The following FBH1 variants were observed in gnomAD, a reference collection of about 807,000 sequenced individuals.
FBH1 encodes the protein DNA 3'-5' helicase 1.
In FBH1, 43 loss-of-function variants were observed where a neutral mutation model predicts 115.5. That is an observed-to-expected ratio of 0.37 (90% CI 0.29 to 0.48). The LOEUF is 0.48. FBH1 is among the 20% of genes least tolerant of loss of function. The pLI is 0.99. For synonymous variants in FBH1, 524 were observed against 507.8 expected, an observed-to-expected ratio of 1.03 and a Z score of -0.43; for missense variants, 1,001 against 1,337.3, an observed-to-expected ratio of 0.75 and a Z score of 3.92.
At position 5,906,001 on chromosome 10, in the gene FBH1, C is replaced by T. The variant is rs781274600; in HGVS notation, c.158-36C>T. 8 of 1,470,344 alleles carry T rather than the reference C, an allele frequency of 5.4e-6. No homozygotes were observed. The Admixed American group carries it at 1.4e-4, about 26-fold the overall frequency. 91.1% of individuals were successfully genotyped at this position (1,470,344 alleles called of 1,614,324 possible). ...TAACAGCAGGTCAACAGTCATCGTTCATTTCTTGTCCATCCTGTTTGGGTT... is the reference window on the plus strand; with the variant it reads ...TAACAGCAGGTCAACAGTCATCGTTTATTTCTTGTCCATCCTGTTTGGGTT... On this transcript the variant is annotated intron_variant, in intron 2 of 20. Coordinates refer to ENST00000362091, the MANE Select transcript of FBH1 (RefSeq NM_178150.3). This position sits in a 1 kb window ranked among gnomAD's most constrained non-coding sequence, Gnocchi z 7.3.
rs1332811389 is a variant in FBH1 at position 5,915,107 on chromosome 10, C to T, written c.1397-296C>T. Among the ~76,000 whole-genome samples, 5 of 152,144 alleles carry T rather than the reference C, an allele frequency of 3.3e-5. No homozygotes were observed. Among genetic ancestry groups the T allele is most frequent in the African/African-American group, 1.2e-4 (5 of 41,428 alleles). On this transcript the variant is annotated intron_variant, in intron 8 of 20. Transcript: ENST00000362091. This position sits in a 1 kb window ranked among gnomAD's most constrained non-coding sequence, Gnocchi z 5.2. ...GTCCTTTTTGCCCTCGGGAACCCTA[C>T]CTCTAATGGATACCCACTTATTTCT...
rs141022398 is a variant in FBH1 at position 5,895,104 on chromosome 10, A to G, written c.1+4758A>G. 3.7e-6 allele frequency: 6 copies of G among 1,613,946 alleles called. No homozygotes were observed. The African/African-American group carries it at 6.7e-5, about 18-fold the overall frequency. On this transcript the variant is annotated intron_variant, in intron 1 of 20. Coordinates refer to ENST00000362091, the MANE Select transcript of FBH1 (RefSeq NM_178150.3). This position sits in a 1 kb window ranked among gnomAD's most constrained non-coding sequence, Gnocchi z 5.0. Reference sequence around the variant, plus strand: ...CCTGAGTCATGTGATAATGGGCTACATTGCGCAGGGCCCCTGGGCCATCTC... The same window carrying G: ...CCTGAGTCATGTGATAATGGGCTACGTTGCGCAGGGCCCCTGGGCCATCTC...
At chr10:5,919,722 T>C (rs748895362) in intron 13 of FBH1, among the ~76,000 whole-genome samples, 1 of 152,244 alleles carries the variant, frequency 6.6e-6, no homozygotes, top group Non-Finnish European at 1.5e-5. Flanking sequence ...TGTTTTGTGA[T>C]GTTATTGAAA....
rs951730771 is a variant in FBH1, at chr10:5,895,059, G to C, written c.1+4713G>C. On this transcript the variant is annotated intron_variant, in intron 1 of 20. Coordinates refer to ENST00000362091, the MANE Select transcript of FBH1 (RefSeq NM_178150.3). This position sits in a 1 kb window ranked among gnomAD's most constrained non-coding sequence, Gnocchi z 5.0. Reference sequence around the variant, plus strand: ...TTGGGCCATTCCCGTTTCACAGGCTGCCATTGGACCTGTCAAGTGCCTGAG... The same window carrying C: ...TTGGGCCATTCCCGTTTCACAGGCTCCCATTGGACCTGTCAAGTGCCTGAG... 6 of 1,610,158 alleles carry C rather than the reference G, an allele frequency of 3.7e-6. No individual in the cohort carries two copies. In the African/African-American group the frequency reaches 6.7e-5, roughly 18 times the overall value.
Position 5,906,176 on chromosome 10 carries a change from C to A in FBH1, c.297C>A (p.Ser99Arg). Residue 99 changes from serine to arginine, a missense_variant, in exon 3 of 21, where the codon AGC (serine) becomes AGA (arginine). By Grantham distance (110) the Ser-to-Arg change is moderately radical. Transcript: ENST00000362091. This position sits in a 1 kb window ranked among gnomAD's most constrained non-coding sequence, Gnocchi z 7.3. ...GTGACATGATCTTTCCTGCAGAGAG[C>A]AGCTGTGCACTGCCTCAGGAAGGCA... ...SEGDMIFPAE[S>R]SCALPQEGSA... is the part of the protein sequence containing the mutation. 1 of 1,614,210 alleles carries A rather than the reference C, an allele frequency of 6.2e-7. No homozygotes were observed. The highest frequency in any genetic ancestry group is 8.5e-7 in the Non-Finnish European group (1 of 1,180,010).
Position 5,906,310 on chromosome 10 carries a change from C to T in FBH1, c.431C>T (p.Ser144Phe), listed in dbSNP as rs1241009936. ...GGGACCAGCCGGTGGGATGGAGTTT[C>T]TAAGAAAGCTCCACGGCACCATTTG... ...ATGTSRWDGV[S>F]KKAPRHHLSV... The change falls in exon 3 of 21, where the codon TCT becomes TTT. Residue 144 changes from serine (S) to phenylalanine (F), a missense_variant. Coordinates refer to ENST00000362091, the MANE Select transcript of FBH1 (RefSeq NM_178150.3). The surrounding 1 kb of genome is among the most constrained non-coding windows in gnomAD (Gnocchi z 7.3). The T allele has an allele frequency of 6.2e-7, 1 of 1,614,204 alleles. No homozygotes were observed. The highest frequency in any genetic ancestry group is 2.2e-5 in the East Asian group (1 of 44,878).
chr10:5,914,322 C>G lies in FBH1; in HGVS notation c.1396+53C>G, dbSNP rs1313280510. 1.8e-5 allele frequency: 27 copies of G among 1,470,424 alleles called. No individual in the cohort carries two copies. Among genetic ancestry groups the G allele is most frequent in the Non-Finnish European group, 2.6e-5 (27 of 1,049,350 alleles). 91.1% of individuals were successfully genotyped at this position (1,470,424 alleles called of 1,614,324 possible). A position where few individuals can be genotyped will look rare whatever the true frequency, so the allele number is the denominator to read the frequency against. On this transcript the variant is annotated intron_variant, in intron 8 of 20. Transcript: ENST00000362091. This position sits in a 1 kb window ranked among gnomAD's most constrained non-coding sequence, Gnocchi z 5.2. ...GGTGGTGGTTTTCTGCCTTTTCTCC[C>G]TACATCCCCTTCCCGCTACCTGCCA...
At chr10:5,928,235 G>A (rs1355215892) in intron 19 of FBH1, 1 of 148,258 alleles carries the variant, frequency 6.7e-6, no homozygotes. Context: ...ACTGTAACCT[G>A]GAACTCCTAG....
chr10:5,919,635 C>T (rs1000172864), intron 13 of FBH1, among the ~76,000 whole-genome samples: 3 of 152,118 alleles, frequency 2.0e-5, no homozygotes, highest in Non-Finnish European at 2.9e-5. Context: ...ACCAGCAGTT[C>T]GAGAACCACT....
At chr10:5,929,531 T>G (rs1832853079) in intron 19 of FBH1, 1 of 152,238 alleles carries the variant, frequency 6.6e-6, no homozygotes. Context: ...CGTTGCATCT[T>G]TAGCCACTAA....
rs566851253 is a variant in FBH1, at chr10:5,927,656, A to G, written c.2829+115A>G. ...TCGGATCAAGATCCTGGGTTGGAAG[A>G]GAAACGCTGCTTGAACGTGCAAAGG... is the stretch of plus-strand genomic sequence containing the variant. On this transcript the variant is annotated intron_variant, in intron 19 of 20. Transcript: ENST00000362091. 6 of 736,334 alleles carry G rather than the reference A, an allele frequency of 8.1e-6. No individual in the cohort carries two copies. The East Asian group carries it at 1.1e-4, about 13-fold the overall frequency. 45.6% of individuals were successfully genotyped at this position (736,334 alleles called of 1,614,324 possible).
chr10:5,930,853 A>T (rs907891153), intron 19 of FBH1, among the ~76,000 whole-genome samples: 1 of 152,102 alleles, frequency 6.6e-6, no homozygotes, highest in African/African-American at 2.4e-5. Context: ...GGGCTTAGGC[A>T]CAGTCCTCCC....
At chr10:5,929,286 A>T (rs7904712) in intron 19 of FBH1, 7,132 of 152,316 alleles carry the variant, frequency 0.047, 238 homozygotes, top group East Asian at 0.15. Context: ...TCTACATGAC[A>T]CATCACAGGG....
rs1440702813 is a variant in FBH1, at chr10:5,921,287, T to G, written c.2130T>G (p.Tyr710Ter). The change falls in exon 14 of 21, where the codon TAT becomes TAG. Residue 710 changes from tyrosine to a stop codon, truncating the protein, a stop_gained. Coordinates refer to ENST00000362091, the MANE Select transcript of FBH1 (RefSeq NM_178150.3). LOFTEE classifies it high-confidence loss of function. This position sits in a 1 kb window ranked among gnomAD's most constrained non-coding sequence, Gnocchi z 6.4. Reference sequence around the variant, plus strand: ...TTCGGTTTGGTGTGGAAATAGCTTATGTGGGAGCTACTATCTTGGATGTTT... The same window carrying G: ...TTCGGTTTGGTGTGGAAATAGCTTAGGTGGGAGCTACTATCTTGGATGTTT... ...QSFRFGVEIA[Y>*]VGATILDVCK... 1 of 1,614,238 alleles carries G rather than the reference T, an allele frequency of 6.2e-7. No individual in the cohort carries two copies. The highest frequency in any genetic ancestry group is 2.2e-5 in the East Asian group (1 of 44,884).
intron 3 of FBH1, among the ~76,000 whole-genome samples, chr10:5,908,476 C>G (rs146511045): frequency 6.6e-6 from 1 of 152,304 alleles, no homozygotes; most frequent in Non-Finnish European, 1.5e-5. Flanking sequence ...ACCCAGTTCT[C>G]CTAGTTTCCA....
intron 1 of FBH1, among the ~76,000 whole-genome samples, chr10:5,899,645 C>G (rs1240171497): frequency 3.3e-5 from 5 of 152,158 alleles, no homozygotes; most frequent in Admixed American, 6.5e-5. Flanking sequence ...AGTCCTGCAG[C>G]TGCTCCTGCT....
chr10:5,912,668 G>T (rs1270572211), intron 6 of FBH1, among the ~76,000 whole-genome samples: 4 of 152,230 alleles, frequency 2.6e-5, no homozygotes, highest in Non-Finnish European at 5.9e-5. Context: ...TTTGCTGATG[G>T]CTGCCTTCTT....
chr10:5,929,487 G>A lies in FBH1; in HGVS notation c.2829+1946G>A, dbSNP rs187603341. On this transcript the variant is annotated intron_variant, in intron 19 of 20. Coordinates refer to ENST00000362091, the MANE Select transcript of FBH1 (RefSeq NM_178150.3). ...GGCTTCACCGAGTGCAACAGCTTAA[G>A]CGTCAGAGCTTAGAACTGAAGCCCT... 33 of 152,308 alleles carry A rather than the reference G, an allele frequency of 2.2e-4. 1 individual carries two copies. Among genetic ancestry groups the A allele is most frequent in the Admixed American group, 2.0e-3 (31 of 15,296 alleles). 9.4% of individuals were successfully genotyped at this position (152,308 alleles called of 1,614,324 possible). A position where few individuals can be genotyped will look rare whatever the true frequency, so the allele number is the denominator to read the frequency against.
rs1832521071 is a variant in FBH1, at chr10:5,924,613, G to C, written c.2596+105G>C. 8.4e-7 allele frequency: 1 copy of C among 1,192,006 alleles called. No individual in the cohort carries two copies. The highest frequency in any genetic ancestry group is 2.0e-5 in the Admixed American group (1 of 49,838). The allele number at this position is 1,192,006 out of a possible 1,614,324, so 73.8% of individuals were successfully genotyped here. A position where few individuals can be genotyped will look rare whatever the true frequency, so the allele number is the denominator to read the frequency against. On this transcript the variant is annotated intron_variant, in intron 17 of 20. Coordinates refer to ENST00000362091, the MANE Select transcript of FBH1 (RefSeq NM_178150.3). The surrounding 1 kb of genome is among the most constrained non-coding windows in gnomAD (Gnocchi z 6.2). The stretch of plus-strand genomic sequence containing the variant: ...GACAGAGTATTGCTCTGTTGCCCAG[G>C]CTGGAGTGCAGTGGCGTGATCTTGG...
Sources: gnomAD v4.1 joint callset for allele counts (sites outside exome capture counted in the v4.1 genomes callset) on GRCh38, gnomAD v4.1.1 for gene constraint, Gnocchi (gnomAD v3.1) non-coding constraint, MANE v1.5 for transcripts, NCBI Gene and HGNC (gene_info 2026-07-23, HGNC 2026-07-21) for gene names.